Variants in KANK1 observed in about 807,000 individuals in gnomAD.
The protein encoded by KANK1 is KN motif and ankyrin repeat domains 1.
In KANK1, 109 loss-of-function variants were observed where a neutral mutation model predicts 106.2. The observed-to-expected ratio is 1.03, with a 90% CI of 0.88 to 1.20. The LOEUF (loss-of-function observed/expected upper bound fraction) is 1.20, where lower values mean the gene tolerates loss of function less well. Ranked by LOEUF, KANK1 falls within the 50% of genes most tolerant of loss-of-function variation. The pLI is 0.00. For missense variants in KANK1, 2,399 were observed against 1,710.7 expected (o/e 1.40, Z -7.10); for synonymous variants, 873 against 652.2 (o/e 1.34, Z -5.16).
rs372009837 is a variant in KANK1 at position 666,736 on chromosome 9, A to C, written c.-83-10154A>C. On this transcript the variant is annotated intron_variant, in intron 1 of 11. Transcript: ENST00000382297. ...GTTCTTGGTTCTGTTAATGTGTATC[A>C]CATTTACTGATTTGCATATGCTGAA... Among the ~76,000 whole-genome samples the C allele has an allele frequency of 2.0e-5, 3 of 152,288 alleles. No individual in the cohort carries two copies. The East Asian group carries it at 5.8e-4, about 29-fold the overall frequency.
chr9:596,449 A>T (rs943668042), intron 1 of KANK1, among the ~76,000 whole-genome samples: 1 of 151,790 alleles, frequency 6.6e-6, no homozygotes, highest in Non-Finnish European at 1.5e-5. Flanking sequence ...CTGAGCCCCT[A>T]TGCTAAGCTG....
At chr9:670,958 T>TG (rs1306571738) in intron 1 of KANK1, among the ~76,000 whole-genome samples, 7 of 144,406 alleles carry the variant, frequency 4.8e-5, no homozygotes, top group African/African-American at 1.5e-4. Flanking sequence ...AGTTTTTTTT[T>TG]TTTTTTTTTT....
chr9:523,222 C>T (rs970950122), intron 1 of KANK1, among the ~76,000 whole-genome samples: 3 of 151,672 alleles, frequency 2.0e-5, no homozygotes, highest in African/African-American at 7.3e-5. Context: ...AACAGAATTT[C>T]TTATTTCCCC....
intron 1 of KANK1, among the ~76,000 whole-genome samples, chr9:667,760 A>C (rs1204493740): frequency 8.7e-6 from 1 of 114,600 alleles, no homozygotes; most frequent in Non-Finnish European, 1.9e-5. Flanking sequence ...TTTTTTTTTG[A>C]GATGGAGTCT....
At position 646,768 on chromosome 9, in the gene KANK1, C is replaced by T. The variant is rs368177104; in HGVS notation, c.-83-30122C>T. Among the ~76,000 whole-genome samples the T allele has an allele frequency of 8.9e-4, 134 of 150,202 alleles. 3 individuals carry two copies. The South Asian group carries it at 0.025, about 28-fold the overall frequency. On this transcript the variant is annotated intron_variant, in intron 1 of 11. Transcript: ENST00000382297. ...GCAGTGGCACGATCTCAGCTCACTG[C>T]AATCTCCGCCTCCCGGGTTAAAGCA...
chr9:631,257 A>G (rs188748435), intron 1 of KANK1, among the ~76,000 whole-genome samples: 2 of 152,326 alleles, frequency 1.3e-5, no homozygotes, highest in East Asian at 1.9e-4. Flanking sequence ...AGAATTATCT[A>G]TGCAAGTTAT....
chr9:731,191 T>C lies in KANK1; in HGVS notation c.2930T>C (p.Ile977Thr), dbSNP rs1163061503. The C allele has an allele frequency of 3.7e-6, 6 of 1,611,804 alleles. No homozygotes were observed. In the African/African-American group the frequency reaches 8.0e-5, roughly 22 times the overall value. Residue 977 changes from isoleucine to threonine, a missense_variant, in exon 5 of 12, where the codon ATC becomes ACC. Coordinates refer to ENST00000382297, the MANE Select transcript of KANK1 (RefSeq NM_015158.5). ...AACAATGAAAGTACACTGAAGTCCATCATGAAGAAGAAAGATGGTAACAAA... is the reference window on the plus strand; with the variant it reads ...AACAATGAAAGTACACTGAAGTCCACCATGAAGAAGAAAGATGGTAACAAA... The part of the protein sequence containing the change: ...CTNNESTLKS[I>T]MKKKDGNKDS...
chr9:531,702 A>G lies in KANK1; in HGVS notation c.-84+26948A>G, dbSNP rs1407270534. On this transcript the variant is annotated intron_variant, in intron 1 of 11. Transcript: ENST00000382297. ...CTTTCTTTCTGTGAAAAAAGTCTTT[A>G]TTTGCCTAAGATGTAGAAAAGAGAC... 2.0e-5 allele frequency among the ~76,000 whole-genome samples: 3 copies of G among 152,282 alleles called. No homozygotes were observed. In the East Asian group the frequency reaches 5.8e-4, roughly 29 times the overall value.
At chr9:704,633 T>C (rs1391144020) in intron 2 of KANK1, among the ~76,000 whole-genome samples, 1 of 152,166 alleles carries the variant, frequency 6.6e-6, no homozygotes, top group East Asian at 1.9e-4. Flanking sequence ...TCTCATTTTA[T>C]TGCAGTCAAT....
At chr9:528,703 G>C (rs2059921283) in intron 1 of KANK1, among the ~76,000 whole-genome samples, 1 of 151,974 alleles carries the variant, frequency 6.6e-6, no homozygotes. Flanking sequence ...GGCCAGGCTG[G>C]TCTCAAACTC....
intron 8 of KANK1, among the ~76,000 whole-genome samples, chr9:740,124 C>T (rs10815591): frequency 0.048 from 7,357 of 152,054 alleles, 451 homozygotes; most frequent in East Asian, 0.19. Flanking sequence ...GAGAAAGTGC[C>T]GAAGGAACTT....
At chr9:560,712 G>C (rs1004170149) in intron 1 of KANK1, among the ~76,000 whole-genome samples, 2 of 152,026 alleles carry the variant, frequency 1.3e-5, no homozygotes, top group African/African-American at 4.8e-5. Context: ...AAGAAAGGTG[G>C]ATCAAATTTG....
At chr9:537,651 C>T (rs548446228) in intron 1 of KANK1, among the ~76,000 whole-genome samples, 141 of 152,046 alleles carry the variant, frequency 9.3e-4, no homozygotes, top group Non-Finnish European at 1.5e-3. Flanking sequence ...CTGTGCCATT[C>T]GGAGCAGTGA....
At chr9:536,070 G>A (rs552837719) in intron 1 of KANK1, among the ~76,000 whole-genome samples, 2 of 151,892 alleles carry the variant, frequency 1.3e-5, no homozygotes, top group Non-Finnish European at 2.9e-5. Flanking sequence ...GGGCGCGGTG[G>A]CTCACATCTG....
intron 1 of KANK1, among the ~76,000 whole-genome samples, chr9:618,626 A>T (rs542315746): frequency 2.0e-5 from 3 of 152,314 alleles, no homozygotes; most frequent in South Asian, 2.1e-4. Flanking sequence ...ACTCCTAGGC[A>T]TCTGAATCAC....
chr9:669,559 C>T lies in KANK1; in HGVS notation c.-83-7331C>T, dbSNP rs537310555. On this transcript the variant is annotated intron_variant, in intron 1 of 11. Transcript: ENST00000382297. ...CTTTGAAAATATCATTCCACTTCCTCCTGACTTACGGTTTCCATTGAGAAG... is the reference window on the plus strand; with the variant it reads ...CTTTGAAAATATCATTCCACTTCCTTCTGACTTACGGTTTCCATTGAGAAG... 2.6e-5 allele frequency among the ~76,000 whole-genome samples: 4 copies of T among 152,238 alleles called. No individual in the cohort carries two copies. The South Asian group carries it at 8.3e-4, about 32-fold the overall frequency.
Position 590,931 on chromosome 9 carries a change from C to T in KANK1, c.-83-85959C>T, listed in dbSNP as rs150635865. Among the ~76,000 whole-genome samples, 101 of 151,816 alleles carry T rather than the reference C, an allele frequency of 6.7e-4. 5 individuals are homozygous for T. The highest frequency in any genetic ancestry group is 2.2e-3 in the African/African-American group (89 of 41,180). On this transcript the variant is annotated intron_variant, in intron 1 of 11. Coordinates refer to ENST00000382297, the MANE Select transcript of KANK1 (RefSeq NM_015158.5). Reference sequence around the variant, plus strand: ...ATACACATTGCCTGGAAGACTGAACCGATTTACAGTTCCATCACCAGTATG... The same window carrying T: ...ATACACATTGCCTGGAAGACTGAACTGATTTACAGTTCCATCACCAGTATG...
intron 3 of KANK1, among the ~76,000 whole-genome samples, chr9:497,450 ACACT>A (rs1442406532): frequency 1.3e-5 from 2 of 151,398 alleles, no homozygotes; most frequent in Non-Finnish European, 2.9e-5. Context: ...ACACACACTC[ACACT>A]CACACTCTTG....
intron 1 of KANK1, among the ~76,000 whole-genome samples, chr9:602,652 TA>T (rs1393215747): frequency 3.3e-5 from 5 of 151,926 alleles, no homozygotes; most frequent in African/African-American, 1.2e-4. Context: ...CATCCTATAA[TA>T]AAGTAACTCT....
Sources: gnomAD v4.1 joint callset for allele counts (sites outside exome capture counted in the v4.1 genomes callset) on GRCh38, gnomAD v4.1.1 for gene constraint, MANE v1.5 for transcripts, NCBI Gene and HGNC (gene_info 2026-07-23, HGNC 2026-07-21) for gene names.